NTRK3: variants seen among roughly 807,000 people sequenced by gnomAD.
The protein encoded by NTRK3 is neurotrophic receptor tyrosine kinase 3, also known as NT-3 growth factor receptor.
Under a neutral mutation model 91.7 loss-of-function variants are expected in NTRK3, and 24 were observed. The ratio of observed to expected loss-of-function variants is 0.26; its 90% CI spans 0.19 to 0.37. NTRK3 has a LOEUF of 0.37. Ranked by LOEUF, NTRK3 falls within the 10% of genes least tolerant of loss-of-function variation. The probability of loss-of-function intolerance (pLI) is 1.00; values close to 1 mark genes in which losing one functional copy is unlikely to be tolerated. For missense variants in NTRK3, 880 were observed against 1,068.9 expected (o/e 0.82, Z 2.46); for synonymous variants, 483 against 404.0 (o/e 1.20, Z -2.34).
At position 88,230,909 on chromosome 15, in the gene NTRK3, G is replaced by A. The variant is rs187440079; in HGVS notation, c.248+24997C>T. ...CCTGAAGACATGCCAGTTGGTTGACGCCCATGGAGAAAACTGGCTGGTAGC... is the reference window on the plus strand; with the variant it reads ...CCTGAAGACATGCCAGTTGGTTGACACCCATGGAGAAAACTGGCTGGTAGC... On this transcript the variant is annotated intron_variant, in intron 3 of 18. Coordinates refer to ENST00000394480, the Ensembl canonical transcript of NTRK3. Among the ~76,000 whole-genome samples, 345 of 152,276 alleles carry A rather than the reference G, an allele frequency of 2.3e-3. 6 individuals carry two copies. The highest frequency in any genetic ancestry group is 0.02 in the East Asian group (105 of 5,184).
intron 14 of NTRK3, among the ~76,000 whole-genome samples, chr15:88,029,561 G>C (rs996372553): frequency 1.3e-5 from 2 of 152,220 alleles, no homozygotes; most frequent in Non-Finnish European, 2.9e-5. Context: ...GTAGCATTAT[G>C]TTCATGCAAT....
chr15:88,108,114 A>T (rs1485926646), intron 13 of NTRK3, among the ~76,000 whole-genome samples: 1 of 152,032 alleles, frequency 6.6e-6, no homozygotes, highest in Non-Finnish European at 1.5e-5. Context: ...TAACAGCAAG[A>T]CTCCAGGTTC....
At chr15:88,032,682 G>T (rs1160201041) in intron 14 of NTRK3, among the ~76,000 whole-genome samples, 175 bp downstream of exon 14, 4 of 152,074 alleles carry the variant, frequency 2.6e-5, no homozygotes, top group African/African-American at 9.7e-5. Context: ...TGGTCCCGGG[G>T]ACTCCTGGCT....
chr15:88,080,691 C>T (rs551990873), intron 13 of NTRK3, among the ~76,000 whole-genome samples: 56 of 152,356 alleles, frequency 3.7e-4, no homozygotes, highest in African/African-American at 1.3e-3. Flanking sequence ...AATCTCATGG[C>T]CAAAGAGCCC....
At chr15:88,152,818 T>G (rs1017465943) in intron 5 of NTRK3, among the ~76,000 whole-genome samples, 1 of 152,196 alleles carries the variant, frequency 6.6e-6, no homozygotes, top group African/African-American at 2.4e-5. Context: ...CCAATCAGGT[T>G]CCAGCCACTA....
At chr15:88,132,341 C>T (rs560184274) in intron 10 of NTRK3, among the ~76,000 whole-genome samples, 1 of 152,364 alleles carries the variant, frequency 6.6e-6, no homozygotes, top group African/African-American at 2.4e-5. Context: ...GCATAACTTC[C>T]TTTAAGTCTC....
chr15:88,111,733 G>C, intron 13 of NTRK3, among the ~76,000 whole-genome samples: 1 of 152,156 alleles, frequency 6.6e-6, no homozygotes, highest in Non-Finnish European at 1.5e-5. Flanking sequence ...GTGAATCTCA[G>C]TTTTCTCATG....
intron 14 of NTRK3, among the ~76,000 whole-genome samples, chr15:88,006,701 AC>A (rs2076515488): frequency 6.6e-6 from 1 of 152,208 alleles, no homozygotes; most frequent in Non-Finnish European, 1.5e-5. Context: ...CGTAGCTTGA[AC>A]ACTGAGGTTT....
chr15:87,953,672 A>T (rs2071374050), intron 14 of NTRK3, among the ~76,000 whole-genome samples: 1 of 152,182 alleles, frequency 6.6e-6, no homozygotes, highest in Admixed American at 6.5e-5. Context: ...CATCAGCCTC[A>T]GGAACCCACA....
intron 17 of NTRK3, among the ~76,000 whole-genome samples, chr15:87,915,933 C>T (rs2067417004): frequency 2.0e-5 from 3 of 152,140 alleles, no homozygotes; most frequent in Non-Finnish European, 1.5e-5. Flanking sequence ...TGCCTGACTG[C>T]AATGTCAGTG....
intron 17 of NTRK3, among the ~76,000 whole-genome samples, chr15:87,886,914 G>T (rs1343099108): frequency 6.6e-6 from 1 of 151,448 alleles, no homozygotes. Flanking sequence ...GAAAAATTAT[G>T]TTTGTGATAG....
At chr15:88,005,264 T>A (rs576227767) in intron 14 of NTRK3, among the ~76,000 whole-genome samples, 1 of 152,274 alleles carries the variant, frequency 6.6e-6, no homozygotes, top group South Asian at 2.1e-4. Context: ...AGATGCTTCA[T>A]GAGCTTGACC....
chr15:88,228,884 C>A (rs2050920677), intron 3 of NTRK3, among the ~76,000 whole-genome samples: 1 of 152,122 alleles, frequency 6.6e-6, no homozygotes, highest in African/African-American at 2.4e-5. Flanking sequence ...CAAGGGATGG[C>A]CAGGTTTGAA....
At chr15:87,935,624 C>G (rs763797732) in intron 15 of NTRK3, among the ~76,000 whole-genome samples, 6 of 151,922 alleles carry the variant, frequency 3.9e-5, no homozygotes, top group Non-Finnish European at 5.9e-5. Flanking sequence ...TGGGAGAATA[C>G]AAAGATTTAT....
Position 88,032,223 on chromosome 15 carries a change from G to C in NTRK3, c.1585+634C>G, listed in dbSNP as rs544855986. 4.6e-5 allele frequency among the ~76,000 whole-genome samples: 7 copies of C among 152,164 alleles called. No homozygotes were observed. The South Asian group carries it at 1.5e-3, about 32-fold the overall frequency. ...CAGGAGCTCAGAGGGGGCCTAGCAG[G>C]GCTCAGCAGAAGGACAAGGAGAGGG... On this transcript the variant is annotated intron_variant, in intron 14 of 18. Transcript: ENST00000394480.
At chr15:88,135,917 C>T (rs746071324) in exon 9 of NTRK3, 7 of 1,614,212 alleles carry the variant, frequency 4.3e-6, no homozygotes, top group Non-Finnish European at 5.9e-6. Context: ...GTGAGGGCAA[C>T]ACTGGCATTG....
At chr15:88,251,498 A>G (rs1162683569) in intron 3 of NTRK3, among the ~76,000 whole-genome samples, 4 of 152,242 alleles carry the variant, frequency 2.6e-5, no homozygotes, top group Non-Finnish European at 5.9e-5. Flanking sequence ...CCACCAGCCA[A>G]CTGGAGGCCC....
exon 19 of NTRK3, chr15:87,868,211 A>G (rs1299624818): frequency 4.3e-6 from 1 of 230,354 alleles, no homozygotes; most frequent in African/African-American, 2.2e-5. Flanking sequence ...CATAACATAA[A>G]TAATTAAAAA....
chr15:87,938,663 T>C (rs1207814139), intron 15 of NTRK3, among the ~76,000 whole-genome samples: 1 of 152,208 alleles, frequency 6.6e-6, no homozygotes, highest in Non-Finnish European at 1.5e-5. Flanking sequence ...CAGCCATCAT[T>C]TCATTCTCTG....
Sources: allele counts gnomAD v4.1 joint callset (sites outside exome capture counted in the v4.1 genomes callset), GRCh38; gene constraint gnomAD v4.1.1; transcripts MANE v1.5; gene names NCBI Gene and HGNC (gene_info 2026-07-23, HGNC 2026-07-21).